Variants in CNBD1 observed in about 807,000 individuals in gnomAD.
CNBD1 encodes the protein cyclic nucleotide binding domain containing 1, also known as cyclic nucleotide-binding domain-containing protein 1.
A neutral mutation model predicts 54.4 loss-of-function variants in CNBD1; 71 were observed. The ratio of observed to expected loss-of-function variants is 1.30; its 90% CI spans 1.08 to 1.59. The LOEUF (loss-of-function observed/expected upper bound fraction) is 1.59. Among genes scored for constraint, CNBD1 ranks in the 40% most tolerant of loss-of-function variants. CNBD1 has a pLI of 0.00. For missense variants in CNBD1, 659 were observed against 518.0 expected (o/e 1.27, Z -2.64); for synonymous variants, 182 against 170.7 (o/e 1.07, Z -0.51).
chr8:87,280,520 A>G (rs928887378), intron 6 of CNBD1, among the ~76,000 whole-genome samples: 13 of 151,676 alleles, frequency 8.6e-5, no homozygotes, highest in African/African-American at 3.1e-4. Flanking sequence ...AAAAGAAAAA[A>G]CATGTTGTGC....
intron 4 of CNBD1, 127 bp from the exon 5 acceptor site, chr8:87,205,866 C>A: frequency 1.5e-6 from 1 of 678,516 alleles, no homozygotes; most frequent in Non-Finnish European, 2.1e-6. Flanking sequence ...AATAGCATCA[C>A]AGTTCTTTTT....
chr8:87,390,014 A>G, intron 2 of CNBD1, among the ~76,000 whole-genome samples: 1 of 150,994 alleles, frequency 6.6e-6, no homozygotes, highest in Admixed American at 6.6e-5. Context: ...TCCCTATTTA[A>G]TAAATGGTGC....
At chr8:86,888,608 G>A (rs1224868874) in intron 2 of CNBD1, among the ~76,000 whole-genome samples, 1 of 152,104 alleles carries the variant, frequency 6.6e-6, no homozygotes, top group Admixed American at 6.5e-5. Flanking sequence ...CCTAATATAT[G>A]TAAATAGCGT....
At chr8:87,017,943 C>T (rs560658186) in intron 4 of CNBD1, among the ~76,000 whole-genome samples, 1 of 152,232 alleles carries the variant, frequency 6.6e-6, no homozygotes, top group East Asian at 1.9e-4. Flanking sequence ...TTCAGTAAAA[C>T]CAACTTTAAA....
chr8:86,931,695 C>T (rs1337864756), intron 3 of CNBD1, among the ~76,000 whole-genome samples: 1 of 152,112 alleles, frequency 6.6e-6, no homozygotes, highest in Non-Finnish European at 1.5e-5. Context: ...TTAATAATGC[C>T]TCCAAATTTT....
At chr8:87,240,078 A>T (rs1220369204) in intron 6 of CNBD1, among the ~76,000 whole-genome samples, 2 of 150,280 alleles carry the variant, frequency 1.3e-5, no homozygotes, top group Admixed American at 1.3e-4. Context: ...ACACACACAC[A>T]CACACACACA....
intron 6 of CNBD1, among the ~76,000 whole-genome samples, chr8:87,257,346 G>T (rs1374533080): frequency 8.7e-6 from 1 of 114,708 alleles, no homozygotes; most frequent in Non-Finnish European, 1.8e-5. Flanking sequence ...TCCAACCTGG[G>T]CAACAAGAGC....
intron 4 of CNBD1, among the ~76,000 whole-genome samples, chr8:86,979,267 T>C (rs1199460906): frequency 6.6e-6 from 1 of 151,666 alleles, no homozygotes; most frequent in African/African-American, 2.4e-5. Flanking sequence ...ATAAAGACTA[T>C]AATAAATAAC....
chr8:87,198,382 C>G (rs1813766610), intron 4 of CNBD1, among the ~76,000 whole-genome samples: 1 of 152,140 alleles, frequency 6.6e-6, no homozygotes. Context: ...GAGAGAAAAG[C>G]TTATTTCCAG....
At position 87,376,009 on chromosome 8, in the gene CNBD1, A is replaced by G. The variant is rs192398851; in HGVS notation, c.1304-6611A>G. 2.0e-5 allele frequency among the ~76,000 whole-genome samples: 3 copies of G among 152,048 alleles called. No homozygotes were observed. The East Asian group carries it at 5.8e-4, about 30-fold the overall frequency. ...AATATTTAATTATGTTGGTTGGCAA[A>G]TTTAAAAATTATGCAATATGAAGGA... is the stretch of plus-strand genomic sequence containing the variant. On this transcript the variant is annotated intron_variant, in intron 10 of 10. Coordinates refer to ENST00000518476, the MANE Select transcript of CNBD1 (RefSeq NM_173538.3).
At chr8:87,090,206 A>G (rs1371984907) in intron 4 of CNBD1, among the ~76,000 whole-genome samples, 1 of 152,184 alleles carries the variant, frequency 6.6e-6, no homozygotes, top group Admixed American at 6.5e-5. Flanking sequence ...CTATGATTTG[A>G]GAATATGCAG....
At chr8:87,319,241 G>A (rs1471218243) in intron 8 of CNBD1, among the ~76,000 whole-genome samples, 4 of 152,076 alleles carry the variant, frequency 2.6e-5, no homozygotes, top group East Asian at 1.9e-4. Context: ...ACAGGAGGAA[G>A]CAAGGAAGGG....
At chr8:87,174,151 G>T (rs990808609) in intron 4 of CNBD1, among the ~76,000 whole-genome samples, 3 of 151,850 alleles carry the variant, frequency 2.0e-5, no homozygotes, top group African/African-American at 7.3e-5. Flanking sequence ...GTAGAGATGG[G>T]GTTTCACCAT....
At chr8:87,239,996 T>C (rs1807660868) in intron 6 of CNBD1, among the ~76,000 whole-genome samples, 1 of 151,874 alleles carries the variant, frequency 6.6e-6, no homozygotes, top group African/African-American at 2.4e-5. Context: ...TTACAACTTT[T>C]AAAATTATAA....
In CNBD1 at chr8:87,232,309, C is replaced by T. The variant is rs1202014028; in HGVS notation, c.578-4610C>T. On this transcript the variant is annotated intron_variant, in intron 5 of 10. Transcript: ENST00000518476. The stretch of plus-strand genomic sequence containing the variant: ...AATACCTAAGAATGAATTACTGGGA[C>T]ATACGTTAGATGTATGTTTCATTTT... Among the ~76,000 whole-genome samples, 5 of 152,238 alleles carry T rather than the reference C, an allele frequency of 3.3e-5. No individual in the cohort carries two copies. In the East Asian group the frequency reaches 7.7e-4, roughly 24 times the overall value.
intron 3 of CNBD1, among the ~76,000 whole-genome samples, chr8:86,908,022 C>T (rs1809044356): frequency 6.6e-6 from 1 of 152,270 alleles, no homozygotes; most frequent in Non-Finnish European, 1.5e-5. Flanking sequence ...ACAGCTACAA[C>T]AGCAAGTAAG....
chr8:87,354,202 T>C (rs1052304789), intron 10 of CNBD1, among the ~76,000 whole-genome samples: 1 of 152,104 alleles, frequency 6.6e-6, no homozygotes, highest in Non-Finnish European at 1.5e-5. Context: ...TCATTCTCTG[T>C]GTGAGTCCTT....
At chr8:87,249,857 A>C (rs1355404363) in intron 6 of CNBD1, among the ~76,000 whole-genome samples, 3 of 152,222 alleles carry the variant, frequency 2.0e-5, no homozygotes, top group African/African-American at 7.2e-5. Context: ...ACTTAAATAT[A>C]AAACTTCAAA....
chr8:87,043,411 A>G (rs1278905348), intron 4 of CNBD1, among the ~76,000 whole-genome samples: 1 of 152,198 alleles, frequency 6.6e-6, no homozygotes, highest in Non-Finnish European at 1.5e-5. Context: ...ATTTCTCCTT[A>G]TATTTTGCTA....
Sources: allele counts gnomAD v4.1 joint callset (sites outside exome capture counted in the v4.1 genomes callset), GRCh38; gene constraint gnomAD v4.1.1; transcripts MANE v1.5; gene names NCBI Gene and HGNC (gene_info 2026-07-23, HGNC 2026-07-21).